The following DHRS7C variants were observed in gnomAD, a reference collection of about 807,000 sequenced individuals.
DHRS7C encodes dehydrogenase/reductase 7C.
In DHRS7C, 28 loss-of-function variants were observed where a neutral mutation model predicts 29.6. The observed-to-expected ratio is 0.95, with a 90% CI of 0.70 to 1.30. DHRS7C has a LOEUF of 1.30. Ranked by LOEUF, DHRS7C falls within the 50% of genes most tolerant of loss-of-function variation. The probability of loss-of-function intolerance (pLI) is 0.00; values close to 1 mark genes in which losing one functional copy is unlikely to be tolerated. For missense variants in DHRS7C, 403 were observed against 393.3 expected (o/e 1.02, Z -0.21); for synonymous variants, 158 against 160.2 (o/e 0.99, Z 0.10).
In DHRS7C at chr17:9,773,741, T is replaced by TTTTTTC. The variant is rs57969612; in HGVS notation, c.572-820_572-819insGAAAAA. ...GGCCTTTTTTTTTTTTTTTTTTTTT[T>TTTTTTC]TGAGACGGCGTCTCACTCTGTTGCC... On this transcript the variant is annotated intron_variant, in intron 4 of 5. Coordinates refer to ENST00000571134, the MANE Select transcript of DHRS7C (RefSeq NM_001105571.3). 7.2e-4 allele frequency among the ~76,000 whole-genome samples: 93 copies of TTTTTTC among 129,316 alleles called. 3 individuals are homozygous for TTTTTTC. Among genetic ancestry groups the TTTTTTC allele is most frequent in the African/African-American group, 1.6e-3 (51 of 31,100 alleles). 84.8% of individuals were successfully genotyped at this position (129,316 alleles called of 152,430 possible). A position where few individuals can be genotyped will look rare whatever the true frequency, so the allele number is the denominator to read the frequency against.
chr17:9,780,334 C>T (rs2066386860), intron 2 of DHRS7C, among the ~76,000 whole-genome samples: 1 of 152,170 alleles, frequency 6.6e-6, no homozygotes, highest in Admixed American at 6.5e-5. Flanking sequence ...ACGGCAGTCC[C>T]TTTGCAGGGT....
intron 2 of DHRS7C, among the ~76,000 whole-genome samples, chr17:9,781,205 T>A (rs1252081505): frequency 6.6e-6 from 1 of 152,220 alleles, no homozygotes; most frequent in Non-Finnish European, 1.5e-5. Flanking sequence ...ACCTGTAACA[T>A]CCTCTGTCTT....
At position 9,774,327 on chromosome 17, in the gene DHRS7C, C is replaced by T. The variant is rs767860202; in HGVS notation, c.572-1405G>A. On this transcript the variant is annotated intron_variant, in intron 4 of 5. Coordinates refer to ENST00000571134, the MANE Select transcript of DHRS7C (RefSeq NM_001105571.3). The surrounding 1 kb of genome is among the most constrained non-coding windows in gnomAD (Gnocchi z 5.0). ...TGAGAGGGAGTCTTGCTCTGTTGTC[C>T]GGGCTGGAGTACAGTGGCTCAATCT... 2.6e-5 allele frequency among the ~76,000 whole-genome samples: 4 copies of T among 152,102 alleles called. No individual in the cohort carries two copies. Among genetic ancestry groups the T allele is most frequent in the African/African-American group, 2.4e-5 (1 of 41,426 alleles).
chr17:9,789,828 G>A (rs1229459328), intron 1 of DHRS7C, among the ~76,000 whole-genome samples: 1 of 152,150 alleles, frequency 6.6e-6, no homozygotes, highest in Non-Finnish European at 1.5e-5. Context: ...GTTGTCTTTT[G>A]TCTGGTCTGA....
Position 9,781,541 on chromosome 17 carries a change from T to C in DHRS7C, c.208A>G (p.Asn70Asp). The C allele has an allele frequency of 6.2e-7, 1 of 1,614,012 alleles. No homozygotes were observed. The change falls in exon 2 of 6, where the codon AAC becomes GAC. Residue 70 changes from asparagine to aspartate, a missense_variant. Physicochemically the swap from Asn to Asp is conservative, Grantham distance 23 (BLOSUM62 1). Transcript: ENST00000571134. The stretch of plus-strand genomic sequence containing the variant: ...TATAGGTTCTCTAGCCTCTCCCAGT[T>C]CTTTCCACACAGCACCAGCCTTGCC... ...GGARLVLCGK[N>D]WERLENLYDA... is the part of the protein sequence containing the mutation.
rs1427911319 is a variant in DHRS7C, at chr17:9,784,175, TA to T, written c.155-2582del. 3.9e-5 allele frequency among the ~76,000 whole-genome samples: 6 copies of T among 151,952 alleles called. No homozygotes were observed. The East Asian group carries it at 5.8e-4, about 15-fold the overall frequency. ...AAATGATTTATAGATTTTACCCTTTTAAAAAAAACCTTCTTGGCTGGGTGTG... is the reference window on the plus strand; with the variant it reads ...AAATGATTTATAGATTTTACCCTTTTAAAAAAACCTTCTTGGCTGGGTGTG... On this transcript the variant is annotated intron_variant, in intron 1 of 5. Coordinates refer to ENST00000571134, the MANE Select transcript of DHRS7C (RefSeq NM_001105571.3).
rs539030546 is a variant in DHRS7C at position 9,775,068 on chromosome 17, G to A, written c.571+2125C>T. Among the ~76,000 whole-genome samples the A allele has an allele frequency of 1.3e-4, 20 of 152,280 alleles. No individual in the cohort carries two copies. Among genetic ancestry groups the A allele is most frequent in the East Asian group, 3.9e-4 (2 of 5,182 alleles). ...TCCTATACGGGTCAGTGGCCAAAGC[G>A]CCCATTGTCATGCCCATGTCTCATT... On this transcript the variant is annotated intron_variant, in intron 4 of 5. Transcript: ENST00000571134. The surrounding 1 kb of genome is among the most constrained non-coding windows in gnomAD (Gnocchi z 4.2).
chr17:9,786,887 A>G (rs11652410), intron 1 of DHRS7C, among the ~76,000 whole-genome samples: 19,551 of 152,102 alleles, frequency 0.13, 1,631 homozygotes, highest in Non-Finnish European at 0.2. Flanking sequence ...CACTGCTGAG[A>G]AAGGGACACG....
rs1473640910 is a variant in DHRS7C at position 9,775,574 on chromosome 17, C to T, written c.571+1619G>A. 6.6e-6 allele frequency among the ~76,000 whole-genome samples: 1 copy of T among 152,178 alleles called. No individual in the cohort carries two copies. The highest frequency in any genetic ancestry group is 1.5e-5 in the Non-Finnish European group (1 of 68,040). On this transcript the variant is annotated intron_variant, in intron 4 of 5. Transcript: ENST00000571134. This position sits in a 1 kb window ranked among gnomAD's most constrained non-coding sequence, Gnocchi z 4.2. ...GAATGACTTAGCATGACCCTGGGCC[C>T]CTCAGTGACCCTGTGGCATGGTGGC...
rs943516700 is a variant in DHRS7C at position 9,775,446 on chromosome 17, G to A, written c.571+1747C>T. 6.6e-6 allele frequency among the ~76,000 whole-genome samples: 1 copy of A among 152,200 alleles called. No homozygotes were observed. The highest frequency in any genetic ancestry group is 1.5e-5 in the Non-Finnish European group (1 of 68,028). On this transcript the variant is annotated intron_variant, in intron 4 of 5. Transcript: ENST00000571134. The surrounding 1 kb of genome is among the most constrained non-coding windows in gnomAD (Gnocchi z 4.2). ...GCCTGGGGACAATGGGATGTCCAAT[G>A]CCAGCCTGGGGCTTTGGACATTGAG...
In DHRS7C at chr17:9,775,611, T is replaced by C. The variant is rs2066357691; in HGVS notation, c.571+1582A>G. On this transcript the variant is annotated intron_variant, in intron 4 of 5. Transcript: ENST00000571134. The surrounding 1 kb of genome is among the most constrained non-coding windows in gnomAD (Gnocchi z 4.2). ...TGTGGCATGGTGGCATCTGCTTGCC[T>C]GAGCCATTCCCATTGAGGTTACTAC... Among the ~76,000 whole-genome samples the C allele has an allele frequency of 1.3e-5, 2 of 152,190 alleles. No individual in the cohort carries two copies. Among genetic ancestry groups the C allele is most frequent in the African/African-American group, 4.8e-5 (2 of 41,448 alleles).
rs2066354802 is a variant in DHRS7C, at chr17:9,775,163, G to T, written c.571+2030C>A. ...CAAACACTTTGTTGAATGAATGAAG[G>T]CATGAAGCAAGGAAGATGAAAAGTC... is the stretch of plus-strand genomic sequence containing the variant. On this transcript the variant is annotated intron_variant, in intron 4 of 5. Transcript: ENST00000571134. This position sits in a 1 kb window ranked among gnomAD's most constrained non-coding sequence, Gnocchi z 4.2. 6.6e-6 allele frequency among the ~76,000 whole-genome samples: 1 copy of T among 152,180 alleles called. No homozygotes were observed. Among genetic ancestry groups the T allele is most frequent in the Admixed American group, 6.5e-5 (1 of 15,272 alleles).
chr17:9,785,720 T>G (rs2066419605), intron 1 of DHRS7C, among the ~76,000 whole-genome samples: 1 of 152,120 alleles, frequency 6.6e-6, no homozygotes, highest in Non-Finnish European at 1.5e-5. Context: ...AGAGAAAGAT[T>G]CAGACCCAGT....
intron 5 of DHRS7C, 76 bp from the exon 6 acceptor site, chr17:9,771,772 A>C: frequency 7.8e-7 from 1 of 1,277,812 alleles, no homozygotes; most frequent in Non-Finnish European, 1.0e-6. Context: ...CACATGCACA[A>C]AGGCTGAGGG....
rs1450087230 is a variant in DHRS7C at position 9,771,612 on chromosome 17, T to C, written c.812A>G (p.Glu271Gly). The C allele has an allele frequency of 1.2e-6, 2 of 1,601,562 alleles. No individual in the cohort carries two copies. The highest frequency in any genetic ancestry group is 1.7e-5 in the Admixed American group (1 of 58,634). ...GGGGATGGGGTTGGCCATAAACACCTCTTGCTTCTTCCTCCGCACGGTGCG... is the reference window on the plus strand; with the variant it reads ...GGGGATGGGGTTGGCCATAAACACCCCTTGCTTCTTCCTCCGCACGGTGCG... ...VMRTVRRKKQ[E>G]VFMANPIPKA... The change falls in exon 6 of 6, where the codon GAG (glutamate) becomes GGG (glycine). Residue 271 changes from glutamate (E) to glycine (G), a missense_variant. Physicochemically the swap from Glu to Gly is moderately conservative, Grantham distance 98. Transcript: ENST00000571134.
chr17:9,785,815 T>C (rs552248806), intron 1 of DHRS7C, among the ~76,000 whole-genome samples: 182 of 152,262 alleles, frequency 1.2e-3, no homozygotes, highest in Non-Finnish European at 2.3e-3. Context: ...TCTCCTATCT[T>C]GTCTCCTTCC....
chr17:9,788,276 G>C (rs760710210), intron 1 of DHRS7C, among the ~76,000 whole-genome samples: 4 of 152,068 alleles, frequency 2.6e-5, no homozygotes, highest in African/African-American at 7.2e-5. Flanking sequence ...GCATGATCTC[G>C]GCTCACTGCA....
intron 1 of DHRS7C, among the ~76,000 whole-genome samples, chr17:9,786,359 AATAATAATT>A (rs1481222380): frequency 2.2e-4 from 32 of 143,482 alleles, no homozygotes; most frequent in Middle Eastern, 3.7e-3. Flanking sequence ...TAATAATAAT[AATAATAATT>A]AATCAGAAAA....
intron 2 of DHRS7C, among the ~76,000 whole-genome samples, chr17:9,780,726 A>G (rs1407317096): frequency 6.6e-6 from 1 of 152,192 alleles, no homozygotes; most frequent in Non-Finnish European, 1.5e-5. Flanking sequence ...CTGTTCTCCA[A>G]GTTCTTCTTG....
Sources: allele counts gnomAD v4.1 joint callset (sites outside exome capture counted in the v4.1 genomes callset), GRCh38; gene constraint gnomAD v4.1.1; non-coding constraint Gnocchi (gnomAD v3.1); transcripts MANE v1.5; gene names NCBI Gene and HGNC (gene_info 2026-07-23, HGNC 2026-07-21).